CPVL: variants seen among roughly 807,000 people sequenced by gnomAD.
CPVL encodes the protein carboxypeptidase vitellogenic like.
A neutral mutation model predicts 63.7 loss-of-function variants in CPVL; 51 were observed. The observed-to-expected ratio is 0.80, with a 90% CI of 0.64 to 1.01. CPVL has a LOEUF of 1.01. Among genes scored for constraint, CPVL ranks in the 50% least tolerant of loss-of-function variants. CPVL has a pLI of 0.00. For synonymous variants in CPVL, 195 were observed against 206.0 expected, an observed-to-expected ratio of 0.95 and a Z score of 0.46; for missense variants, 530 against 573.1, an observed-to-expected ratio of 0.92 and a Z score of 0.77.
intron 3 of CPVL, among the ~76,000 whole-genome samples, chr7:29,105,698 T>C (rs951954555): frequency 2.6e-5 from 4 of 152,206 alleles, no homozygotes; most frequent in Admixed American, 6.5e-5. Context: ...TTAATTCTGT[T>C]ACAAGTTCCA....
intron 3 of CPVL, among the ~76,000 whole-genome samples, chr7:29,097,376 A>G (rs915611741): frequency 6.6e-6 from 1 of 152,236 alleles, no homozygotes; most frequent in Non-Finnish European, 1.5e-5. Context: ...TTAGAATTGC[A>G]TGGGCAATAT....
At chr7:29,168,905 A>T (rs1796257331) in intron 5 of CPVL, among the ~76,000 whole-genome samples, 1 of 152,178 alleles carries the variant, frequency 6.6e-6, no homozygotes, top group Non-Finnish European at 1.5e-5. Flanking sequence ...AAGAGGTATG[A>T]ACTATTTCTA....
chr7:29,091,618 G>A (rs1469294394), intron 6 of CPVL, among the ~76,000 whole-genome samples: 2 of 152,154 alleles, frequency 1.3e-5, no homozygotes, highest in African/African-American at 2.4e-5. Context: ...GAAGTGTGGG[G>A]CCCTGGGCAT....
In CPVL at chr7:29,089,316, A is replaced by C. The variant is rs555232911; in HGVS notation, c.543-2766T>G. 2.0e-5 allele frequency among the ~76,000 whole-genome samples: 3 copies of C among 152,358 alleles called. No homozygotes were observed. In the South Asian group the frequency reaches 6.2e-4, roughly 32 times the overall value. On this transcript the variant is annotated intron_variant, in intron 6 of 12. Transcript: ENST00000265394. ...CATGCATTGTAGACCCAAAGACAGCACTGGAATCTGGTCAGTTCTAATAGA... is the reference window on the plus strand; with the variant it reads ...CATGCATTGTAGACCCAAAGACAGCCCTGGAATCTGGTCAGTTCTAATAGA...
chr7:29,084,701 CAAAT>C (rs1191879291), intron 7 of CPVL, among the ~76,000 whole-genome samples: 4 of 152,098 alleles, frequency 2.6e-5, no homozygotes, highest in Non-Finnish European at 4.4e-5. Context: ...CCAACATAGA[CAAAT>C]GAATGTAACT....
intron 5 of CPVL, among the ~76,000 whole-genome samples, chr7:29,154,323 C>T (rs772708817): frequency 2.0e-4 from 30 of 152,126 alleles, no homozygotes; most frequent in African/African-American, 4.6e-4. Flanking sequence ...CATTCGTATG[C>T]AGTGAATCAG....
At chr7:29,064,001 T>A in intron 11 of CPVL, 60 bp downstream of exon 11, 2 of 1,122,074 alleles carry the variant, frequency 1.8e-6, no homozygotes, top group Non-Finnish European at 2.6e-6. Context: ...AAATTACAAA[T>A]CACTTCTGCT....
At chr7:29,188,437 G>A (rs1798980801) in intron 1 of CPVL, among the ~76,000 whole-genome samples, 1 of 152,106 alleles carries the variant, frequency 6.6e-6, no homozygotes. Context: ...TGGAATATTT[G>A]TAAAAGGCCA....
rs572532710 is a variant in CPVL at position 29,193,446 on chromosome 7, T to C, written c.-448+1631A>G. 5 of 152,344 alleles carry C rather than the reference T, an allele frequency of 3.3e-5. No individual in the cohort carries two copies. The East Asian group carries it at 9.6e-4, about 29-fold the overall frequency. 9.4% of individuals were successfully genotyped at this position (152,344 alleles called of 1,614,324 possible). On this transcript the variant is annotated intron_variant, in intron 1 of 16. Coordinates refer to the CPVL transcript ENST00000409850. ...TTCTTTTAACCATGTTTTAAAAAGT[T>C]GAACTACCCCAATGTGAACACTTTC...
intron 5 of CPVL, among the ~76,000 whole-genome samples, chr7:29,180,740 A>G (rs117858786): frequency 9.5e-4 from 145 of 152,378 alleles, no homozygotes; most frequent in Non-Finnish European, 1.6e-3. Context: ...ACTAGAGTCC[A>G]GTGATTAAGA....
intron 5 of CPVL, among the ~76,000 whole-genome samples, chr7:29,157,121 C>G (rs1794484955): frequency 6.6e-6 from 1 of 152,120 alleles, no homozygotes; most frequent in Non-Finnish European, 1.5e-5. Flanking sequence ...GAATTTTATC[C>G]CTCTTTATTT....
intron 5 of CPVL, among the ~76,000 whole-genome samples, chr7:29,157,537 C>T (rs1794572724): frequency 6.6e-6 from 1 of 152,186 alleles, no homozygotes; most frequent in Non-Finnish European, 1.5e-5. Flanking sequence ...AATGTTCAGA[C>T]TGATGCACAA....
intron 5 of CPVL, among the ~76,000 whole-genome samples, chr7:29,158,970 C>T (rs1164396834): frequency 6.6e-6 from 1 of 152,162 alleles, no homozygotes; most frequent in Admixed American, 6.6e-5. Context: ...CTGCGGCAAT[C>T]GAAATATCCT....
intron 12 of CPVL, among the ~76,000 whole-genome samples, chr7:29,018,391 T>TTG (rs1232009715): frequency 6.7e-6 from 1 of 150,324 alleles, no homozygotes; most frequent in African/African-American, 2.4e-5. Flanking sequence ...TTTTTTTTTT[T>TTG]TTTTTGAGAC....
chr7:28,999,289 C>G (rs1054915039), intron 12 of CPVL, among the ~76,000 whole-genome samples: 2 of 152,148 alleles, frequency 1.3e-5, no homozygotes, highest in African/African-American at 2.4e-5. Flanking sequence ...TAAAAGAGAT[C>G]GTGAGGCATC....
chr7:29,025,158 T>G (rs1393757671), intron 12 of CPVL, among the ~76,000 whole-genome samples: 1 of 152,192 alleles, frequency 6.6e-6, no homozygotes, highest in Non-Finnish European at 1.5e-5. Context: ...ATGATCTAAC[T>G]ATATGCTACT....
upstream of CPVL, chr7:29,146,634 G>A: frequency 6.4e-7 from 1 of 1,550,514 alleles, no homozygotes. Context: ...CCAACCTCCT[G>A]GTCCCAGAAA....
intron 6 of CPVL, among the ~76,000 whole-genome samples, chr7:29,090,574 C>A (rs927140346): frequency 5.3e-5 from 8 of 152,190 alleles, no homozygotes; most frequent in African/African-American, 1.9e-4. Context: ...TTGAGGACTG[C>A]TTACTACTGT....
intron 5 of CPVL, among the ~76,000 whole-genome samples, chr7:29,157,808 G>A (rs936347118): frequency 2.0e-5 from 3 of 151,196 alleles, no homozygotes; most frequent in Non-Finnish European, 3.0e-5. Context: ...ATGTCACAGA[G>A]GTTTCAAAGA....
Sources: allele counts gnomAD v4.1 joint callset (sites outside exome capture counted in the v4.1 genomes callset), GRCh38; gene constraint gnomAD v4.1.1; transcripts MANE v1.5; gene names NCBI Gene and HGNC (gene_info 2026-07-23, HGNC 2026-07-21).